Variants in SLC35E2B observed in about 807,000 individuals in gnomAD.
SLC35E2B encodes the protein solute carrier family 35, member E2B.
SLC35E2B carries 18 observed loss-of-function variants against 32.4 expected under a neutral mutation model. The ratio of observed to expected loss-of-function variants is 0.56; its 90% confidence interval spans 0.38 to 0.82. The LOEUF (loss-of-function observed/expected upper bound fraction) is 0.82. Among genes scored for constraint, SLC35E2B ranks in the 40% least tolerant of loss-of-function variants. SLC35E2B has a pLI of 0.00. For synonymous variants in SLC35E2B, 132 were observed against 209.1 expected, an observed-to-expected ratio of 0.63 and a Z score of 3.18; for missense variants, 263 against 469.5, an observed-to-expected ratio of 0.56 and a Z score of 4.06.
chr1:1,684,856 A>T (rs938326283), intron 2 of SLC35E2B, among the ~76,000 whole-genome samples: 25 of 148,498 alleles, frequency 1.7e-4, no homozygotes, highest in Non-Finnish European at 3.6e-4. Context: ...CTGTAATCCC[A>T]GCACTTTGGG....
At chr1:1,690,305 A>AT (rs1557768875) in intron 2 of SLC35E2B, among the ~76,000 whole-genome samples, 34 of 99,402 alleles carry the variant, frequency 3.4e-4, no homozygotes, top group African/African-American at 1.1e-3. Context: ...GAAACAAAAA[A>AT]AAATATATAT....
chr1:1,663,308 G>C lies in SLC35E2B; in HGVS notation c.*2474C>G, dbSNP rs1176630370. 2.4e-5 allele frequency: 24 copies of C among 981,182 alleles called. No individual in the cohort carries two copies. Among genetic ancestry groups the C allele is most frequent in the South Asian group, 4.7e-5 (1 of 21,156 alleles). The allele number at this position is 981,182 out of a possible 1,614,324, so 60.8% of individuals were successfully genotyped here. Reference sequence around the variant, plus strand: ...GATGCTGTGCGGCTGGAAATTCCAAGGTGCTCAGAACCAGGCGCCTGCACC... The same window carrying C: ...GATGCTGTGCGGCTGGAAATTCCAACGTGCTCAGAACCAGGCGCCTGCACC... On this transcript the variant is annotated 3_prime_UTR_variant, in exon 10 of 10. Coordinates refer to ENST00000617444, the MANE Select transcript of SLC35E2B (RefSeq NM_001290264.2).
chr1:1,665,488 A>G lies in SLC35E2B; in HGVS notation c.*294T>C. The G allele has an allele frequency of 1.8e-6, 1 of 547,502 alleles. No individual in the cohort carries two copies. Among genetic ancestry groups the G allele is most frequent in the Non-Finnish European group, 3.2e-6 (1 of 312,712 alleles). 33.9% of individuals were successfully genotyped at this position (547,502 alleles called of 1,614,324 possible). A position where few individuals can be genotyped will look rare whatever the true frequency, so the allele number is the denominator to read the frequency against. ...GTGGACCCTGGGGTGTCGCCCAGAGAGGAAGTGGGCACCCCCAGCATGGGA... is the reference window on the plus strand; with the variant it reads ...GTGGACCCTGGGGTGTCGCCCAGAGGGGAAGTGGGCACCCCCAGCATGGGA... On this transcript the variant is annotated 3_prime_UTR_variant, in exon 10 of 10. Transcript: ENST00000617444.
chr1:1,678,540 A>G (rs1643873160), intron 2 of SLC35E2B, among the ~76,000 whole-genome samples: 2 of 151,938 alleles, frequency 1.3e-5, no homozygotes, highest in African/African-American at 4.8e-5. Flanking sequence ...AGACGCTCCC[A>G]GGCCACCCAT....
chr1:1,672,638 A>C (rs896143551), intron 5 of SLC35E2B: 2 of 152,266 alleles, frequency 1.3e-5, no homozygotes, highest in African/African-American at 4.8e-5. Context: ...ATAGACGCCT[A>C]TATCCAGCAC....
At chr1:1,682,111 TGGC>T (rs1396402295) in intron 2 of SLC35E2B, among the ~76,000 whole-genome samples, 1 of 146,276 alleles carries the variant, frequency 6.8e-6, no homozygotes, top group Non-Finnish European at 1.5e-5. Flanking sequence ...TCGCCCGCCT[TGGC>T]CTCCCATAGA....
At chr1:1,686,824 A>G (rs967812700) in intron 2 of SLC35E2B, among the ~76,000 whole-genome samples, 2 of 151,980 alleles carry the variant, frequency 1.3e-5, no homozygotes, top group Admixed American at 1.3e-4. Flanking sequence ...TGGGAGTCCA[A>G]GGGGGTCGGA....
intron 6 of SLC35E2B, 189 bp from the exon 7 acceptor site, chr1:1,670,340 T>A (rs1557753341): frequency 7.5e-6 from 4 of 534,998 alleles, no homozygotes; most frequent in Admixed American, 3.2e-5. Context: ...CAGGCTGGTC[T>A]CCAACTCCTG....
At chr1:1,683,362 A>G (rs1462675891) in intron 2 of SLC35E2B, among the ~76,000 whole-genome samples, 6 of 152,140 alleles carry the variant, frequency 3.9e-5, no homozygotes, top group Admixed American at 6.5e-5. Context: ...GCAGCTATAC[A>G]TCGGGGTTCC....
At chr1:1,674,160 G>A (rs1349724042) in intron 5 of SLC35E2B, 4 of 168,526 alleles carry the variant, frequency 2.4e-5, no homozygotes, top group Non-Finnish European at 5.4e-5. Context: ...CAAAAAATAA[G>A]CAAAAGCGTC....
At position 1,675,501 on chromosome 1, in the gene SLC35E2B, G is replaced by C; in HGVS notation, c.548C>G (p.Thr183Arg). The C allele has an allele frequency of 2.5e-6, 4 of 1,599,802 alleles. No individual in the cohort carries two copies. Among genetic ancestry groups the C allele is most frequent in the Non-Finnish European group, 3.4e-6 (4 of 1,173,332 alleles). The change falls in exon 5 of 10, where the codon ACG becomes AGG. Residue 183 changes from threonine to arginine, a missense_variant. Physicochemically the swap from Thr to Arg is moderately conservative, Grantham distance 71 (BLOSUM62 -1). Around this residue, in one of 7 missense-constraint regions of SLC35E2B, gnomAD observed 129 missense variants for 164.5 expected, o/e 0.78. Transcript: ENST00000617444. The part of the protein sequence containing the change: ...ETVKSSAPIF[T>R]VIMSRMILGE... ...CAGAATCATCCGAGACATGATCACC[G>C]TGAAGATGGGGGCGGAGCTCTTCAC...
Position 1,664,496 on chromosome 1 carries a change from C to G in SLC35E2B, c.*1286G>C, listed in dbSNP as rs1034515365. ...AAGGCTGGCTGGCAACAGGCTGCACCGGGCATGGGAATCCGCCAGCTGCGA... is the reference window on the plus strand; with the variant it reads ...AAGGCTGGCTGGCAACAGGCTGCACGGGGCATGGGAATCCGCCAGCTGCGA... On this transcript the variant is annotated 3_prime_UTR_variant, in exon 10 of 10. Coordinates refer to ENST00000617444, the MANE Select transcript of SLC35E2B (RefSeq NM_001290264.2). The G allele has an allele frequency of 1.1e-6, 1 of 915,910 alleles. No homozygotes were observed. Among genetic ancestry groups the G allele is most frequent in the Middle Eastern group, 5.5e-4 (1 of 1,810 alleles). 56.7% of individuals were successfully genotyped at this position (915,910 alleles called of 1,614,324 possible).
chr1:1,665,687 C>G lies in SLC35E2B; in HGVS notation c.*95G>C. On this transcript the variant is annotated 3_prime_UTR_variant, in exon 10 of 10. Coordinates refer to ENST00000617444, the MANE Select transcript of SLC35E2B (RefSeq NM_001290264.2). ...CAATGGCCAACTTAGCTCCCCATGT[C>G]CTGCACCCCAGCAGGGCCATGGAGG... is the stretch of plus-strand genomic sequence containing the variant. 1 of 1,488,108 alleles carries G rather than the reference C, an allele frequency of 6.7e-7. No individual in the cohort carries two copies. The highest frequency in any genetic ancestry group is 9.0e-7 in the Non-Finnish European group (1 of 1,114,568). The allele number at this position is 1,488,108 out of a possible 1,614,324, so 92.2% of individuals were successfully genotyped here.
chr1:1,674,798 G>A (rs534713748), intron 5 of SLC35E2B, among the ~76,000 whole-genome samples: 1 of 152,176 alleles, frequency 6.6e-6, no homozygotes, highest in Admixed American at 6.5e-5. Context: ...ACTTCCCTCG[G>A]CCTTAAGATC....
rs947420693 is a variant in SLC35E2B, at chr1:1,679,210, G to T, written c.-147-2364C>A. On this transcript the variant is annotated intron_variant, in intron 2 of 9. Transcript: ENST00000617444. ...CCCCTCCAGGAGCAAGGAACAGCAC[G>T]TGGGCTCGGGCGTGTGCAGACGACG... 2.6e-5 allele frequency among the ~76,000 whole-genome samples: 4 copies of T among 152,200 alleles called. 1 individual carries two copies. Among genetic ancestry groups the T allele is most frequent in the Non-Finnish European group, 5.9e-5 (4 of 68,036 alleles).
In SLC35E2B at chr1:1,665,937, CG is replaced by C. The variant is rs1557748836; in HGVS notation, c.1062del (p.Val355LeufsTer6). ...VFGNKITSLSAVGTALVTVGV... is the reference protein window; with the variant it reads ...VFGNKITSLSXVGTALVTVGV... The stretch of plus-strand genomic sequence containing the variant: ...CCAACGGTCACCAGGGCTGTGCCAA[CG>C]GCCGACAAGCTGGTGATCTTGTTGC... On this transcript the variant is annotated frameshift_variant, in exon 10 of 10. Transcript: ENST00000617444. LOFTEE classifies it high-confidence loss of function. 1 of 1,551,508 alleles carries C rather than the reference CG, an allele frequency of 6.4e-7. No homozygotes were observed. Among genetic ancestry groups the C allele is most frequent in the East Asian group, 2.4e-5 (1 of 40,926 alleles).
At chr1:1,685,984 A>G (rs1370226664) in intron 2 of SLC35E2B, among the ~76,000 whole-genome samples, 1 of 151,140 alleles carries the variant, frequency 6.6e-6, no homozygotes, top group Non-Finnish European at 1.5e-5. Context: ...GGCACCCGCC[A>G]CCACGCCCAG....
Position 1,675,653 on chromosome 1 carries a change from A to G in SLC35E2B, c.459-63T>C, listed in dbSNP as rs1643826858. ...GTCTGTCTGCCTGCACCCACCGGGC[A>G]GGCTCTCCAAGGGGCTCGCTCGCTC... On this transcript the variant is annotated intron_variant, in intron 4 of 9. Coordinates refer to ENST00000617444, the MANE Select transcript of SLC35E2B (RefSeq NM_001290264.2). 1.6e-5 allele frequency: 23 copies of G among 1,399,764 alleles called. 1 individual carries two copies. The South Asian group carries it at 3.0e-4, about 19-fold the overall frequency. The allele number at this position is 1,399,764 out of a possible 1,614,324, so 86.7% of individuals were successfully genotyped here.
intron 2 of SLC35E2B, among the ~76,000 whole-genome samples, chr1:1,683,032 G>A (rs1399220166): frequency 7.2e-5 from 11 of 152,094 alleles, no homozygotes; most frequent in Admixed American, 6.5e-4. Context: ...AGCCGACATC[G>A]AGACATTGCA....
Sources: allele counts gnomAD v4.1 joint callset (sites outside exome capture counted in the v4.1 genomes callset), GRCh38; gene constraint gnomAD v4.1.1; regional missense constraint gnomAD v4.1.1; transcripts MANE v1.5; gene names NCBI Gene and HGNC (gene_info 2026-07-23, HGNC 2026-07-21).